FMO4: variants seen among roughly 807,000 people sequenced by gnomAD.
FMO4 encodes the protein dimethylaniline monooxygenase [N-oxide-forming] 4.
Under a neutral mutation model 43.3 loss-of-function variants are expected in FMO4, and 38 were observed. The ratio of observed to expected loss-of-function variants is 0.88; its 90% confidence interval spans 0.68 to 1.15. FMO4 has a LOEUF of 1.15. FMO4 is among the 50% of genes most tolerant of loss of function. The pLI is 0.00. For missense variants in FMO4, 631 were observed against 663.3 expected (o/e 0.95, Z 0.54); for synonymous variants, 224 against 232.2 (o/e 0.96, Z 0.32).
At chr1:171,336,669 T>C (rs1211639118) in intron 8 of FMO4, among the ~76,000 whole-genome samples, 2 of 152,106 alleles carry the variant, frequency 1.3e-5, no homozygotes, top group Non-Finnish European at 2.9e-5. Flanking sequence ...AGTGGCGTGA[T>C]CATGGCTCAC....
chr1:171,334,481 A>G lies in FMO4; in HGVS notation c.898A>G (p.Thr300Ala), dbSNP rs981838876. The G allele has an allele frequency of 7.4e-6, 12 of 1,613,548 alleles. No individual in the cohort carries two copies. In the African/African-American group the frequency reaches 8.0e-5, roughly 11 times the overall value. Reference sequence around the variant, plus strand: ...CCTCTGTGGGGCAATCACTATGAAAACCAGCGTGATTGAATTTACAGAAAC... The same window carrying G: ...CCTCTGTGGGGCAATCACTATGAAAGCCAGCGTGATTGAATTTACAGAAAC... The part of the protein sequence containing the change: ...CILCGAITMK[T>A]SVIEFTETSA... Residue 300 changes from threonine to alanine, a missense_variant, in exon 8 of 10, where the codon ACC becomes GCC. Transcript: ENST00000367749.
At chr1:171,334,878 A>T in intron 8 of FMO4, 115 bp downstream of exon 8, 1 of 598,612 alleles carries the variant, frequency 1.7e-6, no homozygotes. Context: ...ACATTAGTGT[A>T]CAATTAATTG....
chr1:171,330,383 A>C (rs1320062588), intron 5 of FMO4, among the ~76,000 whole-genome samples: 1 of 152,132 alleles, frequency 6.6e-6, no homozygotes, highest in Non-Finnish European at 1.5e-5. Context: ...TATTCTTACC[A>C]TTCTTAGTTT....
chr1:171,320,054 G>C, intron 3 of FMO4, 97 bp downstream of exon 3: 4 of 1,312,034 alleles, frequency 3.0e-6, no homozygotes, highest in South Asian at 1.3e-5. Flanking sequence ...AAGTAAGGGA[G>C]TGGCTTACTG....
chr1:171,340,064 G>A (rs1229018938), intron 9 of FMO4, among the ~76,000 whole-genome samples: 2 of 152,190 alleles, frequency 1.3e-5, no homozygotes, highest in African/African-American at 4.8e-5. Flanking sequence ...GAGAGAGGCA[G>A]CAAGTCTTAA....
chr1:171,334,292 A>G, intron 7 of FMO4, 119 bp from the exon 8 acceptor site: 1 of 633,314 alleles, frequency 1.6e-6, no homozygotes, highest in Non-Finnish European at 2.7e-6. Flanking sequence ...TGAATTAGAC[A>G]TTGGTTAATT....
chr1:171,337,729 G>A (rs1218832544), intron 9 of FMO4, among the ~76,000 whole-genome samples: 1 of 152,072 alleles, frequency 6.6e-6, no homozygotes, highest in African/African-American at 2.4e-5. Flanking sequence ...CTACCTCTCA[G>A]GCTGCTCTTT....
chr1:171,319,973 CTA>C lies in FMO4; in HGVS notation c.132+18_132+19del, dbSNP rs1330268981. ...GAAGTTTACTGTACGTGGTTCATCT[CTA>C]TCAGTCATGATCTGGCCATTTGCTT... On this transcript the variant is annotated intron_variant, in intron 3 of 9. Coordinates refer to ENST00000367749, the MANE Select transcript of FMO4 (RefSeq NM_002022.3). 6.2e-7 allele frequency: 1 copy of C among 1,613,328 alleles called. No homozygotes were observed. Among genetic ancestry groups the C allele is most frequent in the African/African-American group, 1.3e-5 (1 of 74,890 alleles).
intron 8 of FMO4, among the ~76,000 whole-genome samples, chr1:171,335,047 T>C (rs1045311107): frequency 6.6e-6 from 1 of 152,238 alleles, no homozygotes; most frequent in African/African-American, 2.4e-5. Flanking sequence ...TGTTCTAGCC[T>C]AGTCTAATCT....
chr1:171,336,965 A>G (rs1363061600), intron 8 of FMO4, among the ~76,000 whole-genome samples: 2 of 138,898 alleles, frequency 1.4e-5, no homozygotes, highest in African/African-American at 6.7e-5. Flanking sequence ...AAACATGCAC[A>G]CACACACACA....
rs200142632 is a variant in FMO4, at chr1:171,334,686, T to G, written c.1103T>G (p.Ile368Ser). 1 of 1,612,556 alleles carries G rather than the reference T, an allele frequency of 6.2e-7. No homozygotes were observed. The highest frequency in any genetic ancestry group is 1.3e-5 in the African/African-American group (1 of 74,882). Residue 368 changes from isoleucine (I) to serine (S), a missense_variant, in exon 8 of 10, where the codon ATC (isoleucine) becomes AGC (serine). Ile to Ser is a moderately radical substitution (Grantham distance 142, BLOSUM62 -2). Coordinates refer to ENST00000367749, the MANE Select transcript of FMO4 (RefSeq NM_002022.3). ...LNLERATLAIIGLIGLKGSIL... is the reference protein window; with the variant it reads ...LNLERATLAISGLIGLKGSIL... ...CTAGAGAGAGCGACATTAGCCATCA[T>G]CGGCCTTATCGGCCTTAAAGGATCC...
chr1:171,330,957 T>C (rs1662878778), intron 5 of FMO4, among the ~76,000 whole-genome samples: 1 of 152,164 alleles, frequency 6.6e-6, no homozygotes. Context: ...GCATACTGCA[T>C]AATAACACAT....
chr1:171,318,748 C>G (rs1662291786), intron 2 of FMO4, among the ~76,000 whole-genome samples: 1 of 152,180 alleles, frequency 6.6e-6, no homozygotes, highest in Admixed American at 6.5e-5. Context: ...AGCAGGCACA[C>G]TTCTAAAACC....
At chr1:171,339,872 G>C (rs1663293258) in intron 9 of FMO4, among the ~76,000 whole-genome samples, 1 of 152,134 alleles carries the variant, frequency 6.6e-6, no homozygotes, top group South Asian at 2.1e-4. Context: ...TGCAAGAAGT[G>C]GGGTGTCCCA....
chr1:171,322,852 A>AAATC (rs45585635), intron 3 of FMO4, 152 bp from the exon 4 acceptor site: 36 of 618,192 alleles, frequency 5.8e-5, no homozygotes, highest in African/African-American at 5.6e-4. Flanking sequence ...GACTCCATCT[A>AAATC]AATCAATCAA....
intron 3 of FMO4, among the ~76,000 whole-genome samples, chr1:171,320,849 T>C (rs907823242): frequency 4.0e-5 from 6 of 151,038 alleles, no homozygotes; most frequent in Non-Finnish European, 8.8e-5. Flanking sequence ...AAAAATAAGA[T>C]GGAAGCTAGG....
intron 6 of FMO4, 137 bp downstream of exon 6, chr1:171,331,919 T>C (rs527932475): frequency 3.4e-5 from 25 of 743,330 alleles, no homozygotes; most frequent in South Asian, 1.5e-4. Context: ...AAAAAAAACA[T>C]TGAAAATCTT....
chr1:171,334,426 C>G lies in FMO4; in HGVS notation c.843C>G (p.Phe281Leu). 6.4e-7 allele frequency: 1 copy of G among 1,571,942 alleles called. No homozygotes were observed. The highest frequency in any genetic ancestry group is 8.6e-7 in the Non-Finnish European group (1 of 1,163,200). Residue 281 changes from phenylalanine (F) to leucine (L), a missense_variant, in exon 8 of 10, where the codon TTC (phenylalanine) becomes TTG (leucine). Phe to Leu is a conservative substitution (Grantham distance 22, BLOSUM62 0). Transcript: ENST00000367749. ...LSITKGKKAK[F>L]IVNDELPNCI... ...TGTGTCAAAGGAAAAAAGCAAAATTCATTGTGAATGATGAGCTGCCAAACT... is the reference window on the plus strand; with the variant it reads ...TGTGTCAAAGGAAAAAAGCAAAATTGATTGTGAATGATGAGCTGCCAAACT...
At chr1:171,340,392 T>C (rs1571416939) in intron 9 of FMO4, among the ~76,000 whole-genome samples, 1 of 152,082 alleles carries the variant, frequency 6.6e-6, no homozygotes, top group East Asian at 1.9e-4. Context: ...ATTCCTAAAC[T>C]CCCTCCCCTC....
Sources: allele counts gnomAD v4.1 joint callset (sites outside exome capture counted in the v4.1 genomes callset), GRCh38; gene constraint gnomAD v4.1.1; transcripts MANE v1.5; gene names NCBI Gene and HGNC (gene_info 2026-07-23, HGNC 2026-07-21).